The following KCNQ3 variants were observed in gnomAD, a reference collection of about 807,000 sequenced individuals.
The protein encoded by KCNQ3 is potassium voltage-gated channel subfamily Q member 3.
Under a neutral mutation model 92.5 loss-of-function variants are expected in KCNQ3, and 30 were observed. That is an observed-to-expected ratio of 0.32 (90% CI 0.24 to 0.44). The LOEUF is 0.44. Ranked by LOEUF, KCNQ3 falls within the 20% of genes least tolerant of loss-of-function variation. The pLI is 1.00. For synonymous variants in KCNQ3, 450 were observed against 468.8 expected, an observed-to-expected ratio of 0.96 and a Z score of 0.52; for missense variants, 913 against 1,140.3, an observed-to-expected ratio of 0.80 and a Z score of 2.87.
intron 1 of KCNQ3, among the ~76,000 whole-genome samples, chr8:132,333,803 G>A (rs774372871): frequency 1.3e-5 from 2 of 151,090 alleles, no homozygotes; most frequent in African/African-American, 2.4e-5. Flanking sequence ...GTGTGATTTC[G>A]GCTCACTGCA....
At chr8:132,344,391 A>G (rs1818620206) in intron 1 of KCNQ3, among the ~76,000 whole-genome samples, 1 of 152,220 alleles carries the variant, frequency 6.6e-6, no homozygotes. Flanking sequence ...AGGAAACTGC[A>G]CACCTTCCTT....
At chr8:132,134,817 T>C (rs1242952153) in intron 12 of KCNQ3, among the ~76,000 whole-genome samples, 4 of 151,862 alleles carry the variant, frequency 2.6e-5, no homozygotes, top group African/African-American at 9.7e-5. Context: ...AATTCTTCTA[T>C]CCCTTCCAAA....
chr8:132,158,480 G>A (rs770336746), intron 9 of KCNQ3, among the ~76,000 whole-genome samples: 10 of 152,104 alleles, frequency 6.6e-5, no homozygotes, highest in Non-Finnish European at 1.5e-4. Context: ...CCTGTGTCAG[G>A]GACTTCAGCT....
intron 1 of KCNQ3, among the ~76,000 whole-genome samples, chr8:132,226,191 A>G (rs1393412541): frequency 1.3e-5 from 2 of 152,052 alleles, no homozygotes; most frequent in African/African-American, 2.4e-5. Flanking sequence ...GAATGGCGTG[A>G]ACCTGGGAGG....
At chr8:132,267,869 C>A (rs1464981960) in intron 1 of KCNQ3, among the ~76,000 whole-genome samples, 2 of 152,170 alleles carry the variant, frequency 1.3e-5, no homozygotes, top group African/African-American at 4.8e-5. Flanking sequence ...CATAGCCTCC[C>A]CCATTCTCAA....
intron 3 of KCNQ3, 91 bp from the exon 4 acceptor site, chr8:132,180,420 G>T: frequency 1.4e-6 from 2 of 1,395,774 alleles, no homozygotes; most frequent in Non-Finnish European, 1.0e-6. Flanking sequence ...TTTGCTGGCA[G>T]ATCAGCATGT....
intron 1 of KCNQ3, among the ~76,000 whole-genome samples, chr8:132,367,274 A>G (rs9656994): frequency 0.57 from 86,627 of 152,014 alleles, 27,502 homozygotes; most frequent in African/African-American, 0.87. Context: ...CTTCTTCAAT[A>G]AGATTATGAG....
At chr8:132,383,844 C>G (rs1299853038) in intron 1 of KCNQ3, among the ~76,000 whole-genome samples, 2 of 152,176 alleles carry the variant, frequency 1.3e-5, no homozygotes, top group African/African-American at 4.8e-5. Flanking sequence ...AACTGTGCCT[C>G]TACAACATCC....
chr8:132,189,888 C>CA (rs776683880), intron 1 of KCNQ3, among the ~76,000 whole-genome samples: 3,655 of 64,000 alleles, frequency 0.057, 260 homozygotes, highest in African/African-American at 0.15. Flanking sequence ...TAAAAATGAC[C>CA]AAAAAAAAAA....
chr8:132,182,645 T>G (rs1048455240), intron 3 of KCNQ3, among the ~76,000 whole-genome samples: 3 of 152,200 alleles, frequency 2.0e-5, no homozygotes, highest in Non-Finnish European at 2.9e-5. Flanking sequence ...TCTCTTTGAA[T>G]GTGGGCACAA....
intron 1 of KCNQ3, among the ~76,000 whole-genome samples, chr8:132,254,756 T>G (rs13251709): frequency 0.45 from 68,763 of 151,976 alleles, 17,478 homozygotes; most frequent in East Asian, 0.72. Context: ...GCATGTGCAT[T>G]CAGTCTCAGC....
rs191681861 is a variant in KCNQ3 at position 132,214,510 on chromosome 8, C to T, written c.387-28329G>A. On this transcript the variant is annotated intron_variant, in intron 1 of 14. Transcript: ENST00000388996. ...TATGGGGTGGGGTGGTGAGGGGCAA[C>T]CCTGCCTGTTTGTTCACCCTTGACA... is the stretch of plus-strand genomic sequence containing the variant. 1.2e-3 allele frequency among the ~76,000 whole-genome samples: 190 copies of T among 152,298 alleles called. 6 individuals carry two copies. In the South Asian group the frequency reaches 0.038, roughly 31 times the overall value.
chr8:132,193,185 C>T (rs983093573), intron 1 of KCNQ3, among the ~76,000 whole-genome samples: 1 of 152,226 alleles, frequency 6.6e-6, no homozygotes, highest in Non-Finnish European at 1.5e-5. Context: ...CTGTCTGCAG[C>T]ATCCAGGCTG....
At chr8:132,224,529 C>A (rs1014507120) in intron 1 of KCNQ3, among the ~76,000 whole-genome samples, 1 of 152,110 alleles carries the variant, frequency 6.6e-6, no homozygotes, top group Non-Finnish European at 1.5e-5. Context: ...CTGGTGAGAT[C>A]TGACTCACAA....
At chr8:132,316,825 C>T (rs1374672983) in intron 1 of KCNQ3, among the ~76,000 whole-genome samples, 1 of 152,198 alleles carries the variant, frequency 6.6e-6, no homozygotes, top group Non-Finnish European at 1.5e-5. Flanking sequence ...AAATTTCTTC[C>T]TAATTCTGGC....
chr8:132,258,939 T>C (rs1032896300), intron 1 of KCNQ3, among the ~76,000 whole-genome samples: 6 of 152,042 alleles, frequency 3.9e-5, no homozygotes, highest in African/African-American at 7.2e-5. Context: ...ACACAAAGTA[T>C]TAAAACTGAG....
At position 132,163,479 on chromosome 8, in the gene KCNQ3, C is replaced by T; in HGVS notation, c.1251G>A (p.Glu417=). 1.2e-6 allele frequency: 2 copies of T among 1,612,532 alleles called. No individual in the cohort carries two copies. The highest frequency in any genetic ancestry group is 2.2e-5 in the South Asian group (2 of 91,048). ...SFPFFRKEQL[E]AASSQKLGLL... Reference sequence around the variant, plus strand: ...AATCAGAAACTTACCTGGATGCTGCCTCCAGCTGTTCTTTCCTAGAAAGAG... The same window carrying T: ...AATCAGAAACTTACCTGGATGCTGCTTCCAGCTGTTCTTTCCTAGAAAGAG... The change falls in exon 9 of 15, where the codon GAG becomes GAA. Residue 417 remains glutamate, a synonymous_variant. Coordinates refer to ENST00000388996, the MANE Select transcript of KCNQ3 (RefSeq NM_004519.4).
intron 1 of KCNQ3, among the ~76,000 whole-genome samples, chr8:132,279,551 G>A (rs1218165124): frequency 6.6e-6 from 1 of 152,156 alleles, no homozygotes; most frequent in African/African-American, 2.4e-5. Context: ...CTACTTGCAG[G>A]TTGAGGATCA....
chr8:132,175,677 C>G, intron 4 of KCNQ3, 69 bp from the exon 5 acceptor site: 1 of 1,484,274 alleles, frequency 6.7e-7, no homozygotes, highest in Admixed American at 1.9e-5. Context: ...TGGAGCCAGA[C>G]ACACCAGAGT....
Sources: gnomAD v4.1 joint callset for allele counts (sites outside exome capture counted in the v4.1 genomes callset) on GRCh38, gnomAD v4.1.1 for gene constraint, MANE v1.5 for transcripts, NCBI Gene and HGNC (gene_info 2026-07-23, HGNC 2026-07-21) for gene names.